Variants in POC1A observed in about 807,000 individuals in gnomAD.
POC1A encodes POC1 centriolar protein A.
Under a neutral mutation model 47.8 loss-of-function variants are expected in POC1A, and 34 were observed. The ratio of observed to expected loss-of-function variants is 0.71; its 90% CI spans 0.54 to 0.95. POC1A has a LOEUF of 0.95. Ranked by LOEUF, POC1A falls within the 40% of genes least tolerant of loss-of-function variation. POC1A has a pLI of 0.00. For missense variants in POC1A, 466 were observed against 528.3 expected (o/e 0.88, Z 1.16); for synonymous variants, 177 against 207.6 (o/e 0.85, Z 1.27).
intron 5 of POC1A, 121 bp from the exon 6 acceptor site, chr3:52,146,082 ACCT>A (rs1698355033): frequency 3.2e-6 from 2 of 626,860 alleles, no homozygotes; most frequent in South Asian, 3.7e-5. Flanking sequence ...TGACCCAGAC[ACCT>A]CCTTTCTGTC....
At chr3:52,109,294 T>A (rs1703298162) in intron 9 of POC1A, among the ~76,000 whole-genome samples, 1 of 152,006 alleles carries the variant, frequency 6.6e-6, no homozygotes, top group African/African-American at 2.4e-5. Flanking sequence ...GAGTAAAAAA[T>A]GATATATCTG....
chr3:52,153,836 A>C (rs934533200), intron 1 of POC1A, among the ~76,000 whole-genome samples: 1 of 152,254 alleles, frequency 6.6e-6, no homozygotes, highest in Non-Finnish European at 1.5e-5. Flanking sequence ...CTGACTCTCC[A>C]ATCAGCCAGA....
In POC1A at chr3:52,104,412, C is replaced by T. The variant is rs116368336; in HGVS notation, c.982-7700G>A. On this transcript the variant is annotated intron_variant, in intron 9 of 10. Transcript: ENST00000296484. ...CTTGATTGTGGTGGTGGTTACATGA[C>T]TGTTTCTGTCACAACTCAGAGAACT... is the stretch of plus-strand genomic sequence containing the variant. Among the ~76,000 whole-genome samples, 1,052 of 152,314 alleles carry T rather than the reference C, an allele frequency of 6.9e-3. 15 individuals are homozygous for T. Among genetic ancestry groups the T allele is most frequent in the African/African-American group, 0.024 (1,002 of 41,558 alleles).
chr3:52,088,772 C>G (rs1183351787), intron 10 of POC1A, among the ~76,000 whole-genome samples: 2 of 151,838 alleles, frequency 1.3e-5, no homozygotes, highest in African/African-American at 4.8e-5. Flanking sequence ...TCAGAGCAAG[C>G]CTAGATTCAG....
intron 2 of POC1A, among the ~76,000 whole-genome samples, chr3:52,150,503 G>A (rs369287986): frequency 1.3e-5 from 2 of 152,146 alleles, no homozygotes; most frequent in South Asian, 4.1e-4. Flanking sequence ...GAACCAGAAA[G>A]CGCAGTCATA....
intron 10 of POC1A, among the ~76,000 whole-genome samples, chr3:52,083,778 C>T (rs1702374367): frequency 6.6e-6 from 1 of 152,196 alleles, no homozygotes; most frequent in Non-Finnish European, 1.5e-5. Context: ...GCCAGGGCTG[C>T]CCGGCCTGGG....
chr3:52,100,214 A>G (rs1244611772), intron 9 of POC1A, among the ~76,000 whole-genome samples: 2 of 152,266 alleles, frequency 1.3e-5, no homozygotes, highest in African/African-American at 2.4e-5. Flanking sequence ...CTACCCAGAC[A>G]CATGAGGAAC....
intron 6 of POC1A, among the ~76,000 whole-genome samples, chr3:52,141,912 G>A (rs751031993): frequency 6.6e-5 from 10 of 152,066 alleles, no homozygotes; most frequent in African/African-American, 1.4e-4. Flanking sequence ...AAAGACCATC[G>A]GACAGAGAGC....
chr3:52,140,337 G>A (rs1225814832), intron 6 of POC1A, among the ~76,000 whole-genome samples: 1 of 152,214 alleles, frequency 6.6e-6, no homozygotes, highest in African/African-American at 2.4e-5. Context: ...TCTGAAGCCA[G>A]CTCTTGGAGG....
chr3:52,076,113 G>T, intron 10 of POC1A, 128 bp from the exon 11 acceptor site: 1 of 690,858 alleles, frequency 1.4e-6, no homozygotes, highest in Non-Finnish European at 2.6e-6. Context: ...TTTCCACCCA[G>T]GGGTTCTGCC....
chr3:52,084,970 G>A lies in POC1A; in HGVS notation c.1126-8985C>T, dbSNP rs567066477. 6.6e-6 allele frequency among the ~76,000 whole-genome samples: 1 copy of A among 152,366 alleles called. No homozygotes were observed. Among genetic ancestry groups the A allele is most frequent in the South Asian group, 2.1e-4 (1 of 4,830 alleles). The stretch of plus-strand genomic sequence containing the variant: ...GGCAAGGGGAGCTGCAACTGTCCTG[G>A]GTTGGCAGGTTTGCAGGGAGGCCAG... On this transcript the variant is annotated intron_variant, in intron 10 of 10. Transcript: ENST00000296484. This position sits in a 1 kb window ranked among gnomAD's most constrained non-coding sequence, Gnocchi z 4.3.
intron 9 of POC1A, among the ~76,000 whole-genome samples, chr3:52,098,835 C>T (rs919424965): frequency 6.6e-6 from 1 of 152,208 alleles, no homozygotes; most frequent in Non-Finnish European, 1.5e-5. Context: ...TCACTTAATA[C>T]GTGTAACCTC....
At position 52,116,398 on chromosome 3, in the gene POC1A, C is replaced by T. The variant is rs143188124; in HGVS notation, c.981+5981G>A. Among the ~76,000 whole-genome samples the T allele has an allele frequency of 6.8e-4, 104 of 152,302 alleles. 2 individuals are homozygous for T. The East Asian group carries it at 0.018, about 27-fold the overall frequency. ...GCTCAGTTCAGATGTTCTCAACTGACCCAGCTCCCTCTTCCAGAGGACAGT... is the reference window on the plus strand; with the variant it reads ...GCTCAGTTCAGATGTTCTCAACTGATCCAGCTCCCTCTTCCAGAGGACAGT... On this transcript the variant is annotated intron_variant, in intron 9 of 10. Coordinates refer to ENST00000296484, the MANE Select transcript of POC1A (RefSeq NM_015426.5).
chr3:52,107,420 G>A (rs1703225052), intron 9 of POC1A, among the ~76,000 whole-genome samples: 1 of 152,238 alleles, frequency 6.6e-6, no homozygotes, highest in South Asian at 2.1e-4. Context: ...CACCTCTGGA[G>A]CATCCTCAGA....
chr3:52,114,900 C>T (rs1703507885), intron 9 of POC1A, among the ~76,000 whole-genome samples: 1 of 152,202 alleles, frequency 6.6e-6, no homozygotes, highest in Non-Finnish European at 1.5e-5. Context: ...AGCTCTCATT[C>T]ACACCGATAA....
chr3:52,118,138 G>A (rs1703641342), intron 9 of POC1A, among the ~76,000 whole-genome samples: 1 of 152,178 alleles, frequency 6.6e-6, no homozygotes, highest in Admixed American at 6.5e-5. Context: ...TCTGGGAGGT[G>A]CTCATTTGCC....
intron 4 of POC1A, 125 bp downstream of exon 4, chr3:52,149,085 G>C (rs1698465206): frequency 7.0e-6 from 5 of 709,806 alleles, no homozygotes; most frequent in Admixed American, 5.1e-5. Context: ...GGAAACCGAG[G>C]CTGAGGAAGC....
chr3:52,110,452 T>A (rs2107037119), intron 9 of POC1A, among the ~76,000 whole-genome samples: 1 of 152,366 alleles, frequency 6.6e-6, no homozygotes. Context: ...TATTTCTACC[T>A]GTGGCTCATT....
chr3:52,116,660 T>C (rs1036337393), intron 9 of POC1A, among the ~76,000 whole-genome samples: 1 of 152,102 alleles, frequency 6.6e-6, no homozygotes, highest in Non-Finnish European at 1.5e-5. Flanking sequence ...GTGCTCCCAT[T>C]ATTGCCCACT....
Sources: allele counts gnomAD v4.1 joint callset (sites outside exome capture counted in the v4.1 genomes callset), GRCh38; gene constraint gnomAD v4.1.1; non-coding constraint Gnocchi (gnomAD v3.1); transcripts MANE v1.5; gene names NCBI Gene and HGNC (gene_info 2026-07-23, HGNC 2026-07-21).